The following ALDH1L2 variants were observed in gnomAD, a reference collection of about 807,000 sequenced individuals.
The protein encoded by ALDH1L2 is aldehyde dehydrogenase 1 family member L2.
In ALDH1L2, 91 loss-of-function variants were observed where a neutral mutation model predicts 111.0. The ratio of observed to expected loss-of-function variants is 0.82; its 90% CI spans 0.69 to 0.98. ALDH1L2 has a LOEUF of 0.98. ALDH1L2 is among the 50% of genes least tolerant of loss of function. ALDH1L2 has a pLI of 0.00. For missense variants in ALDH1L2, 995 were observed against 1,126.8 expected (o/e 0.88, Z 1.67); for synonymous variants, 374 against 392.6 (o/e 0.95, Z 0.56).
intron 19 of ALDH1L2, among the ~76,000 whole-genome samples, chr12:105,033,157 C>T (rs945299962): frequency 6.6e-6 from 1 of 152,180 alleles, no homozygotes. Flanking sequence ...TTCTGAGTGG[C>T]CAGGGACCAT....
chr12:105,080,256 A>G (rs1240594348), intron 1 of ALDH1L2, among the ~76,000 whole-genome samples: 1 of 152,198 alleles, frequency 6.6e-6, no homozygotes, highest in Non-Finnish European at 1.5e-5. Flanking sequence ...CCCCTGCTAA[A>G]CACACAATAT....
chr12:105,029,603 A>T (rs963181367), intron 21 of ALDH1L2, among the ~76,000 whole-genome samples: 18 of 152,246 alleles, frequency 1.2e-4, no homozygotes, highest in African/African-American at 4.1e-4. Context: ...TTGAATGGAT[A>T]TATCAAAGGT....
chr12:105,062,928 G>A lies in ALDH1L2; in HGVS notation c.881C>T (p.Thr294Ile). ...ACCAAAAAGAACAAGTCCATTTTTG[G>A]TAACGAGACCAGGCTTCTTGGCACC... ...IKGAKKPGLV[T>I]KNGLVLFGND... Residue 294 changes from threonine (T) to isoleucine (I), a missense_variant, in exon 7 of 23, where the codon ACC becomes ATC. Transcript: ENST00000258494. 3 of 1,613,662 alleles carry A rather than the reference G, an allele frequency of 1.9e-6. No individual in the cohort carries two copies. The highest frequency in any genetic ancestry group is 2.5e-6 in the Non-Finnish European group (3 of 1,179,844).
At chr12:105,059,117 A>C (rs1427019895) in intron 9 of ALDH1L2, among the ~76,000 whole-genome samples, 1 of 151,894 alleles carries the variant, frequency 6.6e-6, no homozygotes, top group Non-Finnish European at 1.5e-5. Context: ...AAATACAAAA[A>C]TTAGCTGGGC....
At chr12:105,035,623 T>C (rs530601445) in intron 18 of ALDH1L2, among the ~76,000 whole-genome samples, 1 of 152,134 alleles carries the variant, frequency 6.6e-6, no homozygotes, top group South Asian at 2.1e-4. Context: ...CAGCCATAAA[T>C]CATAAATATT....
intron 11 of ALDH1L2, 37 bp downstream of exon 11, chr12:105,052,775 G>A (rs747178402): frequency 4.3e-5 from 70 of 1,610,164 alleles, no homozygotes; most frequent in Admixed American, 8.4e-5. Context: ...AAAAATCCAT[G>A]ACCAGTGATC....
intron 15 of ALDH1L2, 120 bp from the exon 16 acceptor site, chr12:105,040,814 A>AT (rs993220078): frequency 2.1e-5 from 17 of 803,758 alleles, no homozygotes; most frequent in Admixed American, 2.0e-4. Flanking sequence ...ACATTGTCTT[A>AT]TTTTTTTGCC....
chr12:105,040,842 A>T, intron 15 of ALDH1L2, 148 bp from the exon 16 acceptor site: 1 of 648,988 alleles, frequency 1.5e-6, no homozygotes, highest in African/African-American at 1.8e-5. Flanking sequence ...CAGACTTACA[A>T]AAAGATGCAA....
At chr12:105,038,571 G>A (rs12231563) in intron 17 of ALDH1L2, among the ~76,000 whole-genome samples, 48,127 of 151,914 alleles carry the variant, frequency 0.32, 8,295 homozygotes, top group South Asian at 0.51. Flanking sequence ...GGAGGCTGAG[G>A]CAGGAGGATC....
intron 22 of ALDH1L2, among the ~76,000 whole-genome samples, chr12:105,025,198 T>C (rs912408219): frequency 2.0e-5 from 3 of 152,172 alleles, no homozygotes; most frequent in Admixed American, 2.0e-4. Flanking sequence ...CTGTCAACTT[T>C]GTCCGCATGT....
rs778540794 is a variant in ALDH1L2, at chr12:105,061,607, T to C, written c.1047+20A>G. ...CAGTTTTCCAAGGTAACAGTAAGAT[T>C]TAAGTCATCATGTGTTCACCTTGAT... On this transcript the variant is annotated intron_variant, in intron 8 of 22. Transcript: ENST00000258494. 1.4e-5 allele frequency: 22 copies of C among 1,613,496 alleles called. No homozygotes were observed. In the Admixed American group the frequency reaches 2.7e-4, roughly 20 times the overall value.
chr12:105,058,078 C>A lies in ALDH1L2; in HGVS notation c.1282G>T (p.Asp428Tyr), dbSNP rs1330708890. ...AACATCAAGGAAAAGCTTACATAATCTACAACCAGCTCCACCTCTTGATCT... is the reference window on the plus strand; with the variant it reads ...AACATCAAGGAAAAGCTTACATAATATACAACCAGCTCCACCTCTTGATCT... The part of the protein sequence containing the change: ...GEDQEVELVV[D>Y]YISKEVNEIM... Residue 428 changes from aspartate (D) to tyrosine (Y), a missense_variant, in exon 10 of 23, where the codon GAT (aspartate) becomes TAT (tyrosine). Coordinates refer to ENST00000258494, the MANE Select transcript of ALDH1L2 (RefSeq NM_001034173.4). The A allele has an allele frequency of 1.9e-6, 3 of 1,612,416 alleles. No individual in the cohort carries two copies. The African/African-American group carries it at 4.0e-5, about 22-fold the overall frequency.
chr12:105,065,030 G>A (rs909537733), intron 6 of ALDH1L2, among the ~76,000 whole-genome samples: 5 of 152,088 alleles, frequency 3.3e-5, no homozygotes, highest in African/African-American at 1.2e-4. Context: ...ACTGCACTGA[G>A]AATGTTTATT....
In ALDH1L2 at chr12:105,084,370, T is replaced by C. The variant is rs1592818493; in HGVS notation, c.48+19A>G. ...CAGGACAGGGTGACAGCCGGGACGC[T>C]CGCCCGGGCCGGACTCACCCGGCCA... On this transcript the variant is annotated intron_variant, in intron 1 of 22. Coordinates refer to ENST00000258494, the MANE Select transcript of ALDH1L2 (RefSeq NM_001034173.4). 2 of 1,470,642 alleles carry C rather than the reference T, an allele frequency of 1.4e-6. No individual in the cohort carries two copies. Among genetic ancestry groups the C allele is most frequent in the Non-Finnish European group, 1.8e-6 (2 of 1,111,962 alleles). The allele number at this position is 1,470,642 out of a possible 1,614,324, so 91.1% of individuals were successfully genotyped here.
intron 17 of ALDH1L2, 30 bp downstream of exon 17, chr12:105,039,683 T>G (rs370140921): frequency 2.5e-5 from 40 of 1,588,326 alleles, no homozygotes; most frequent in Non-Finnish European, 3.4e-5. Context: ...TAACAGGATC[T>G]GCAGTGAATC....
chr12:105,047,333 T>A, intron 13 of ALDH1L2: 1 of 260,860 alleles, frequency 3.8e-6, no homozygotes, highest in South Asian at 4.6e-5. Flanking sequence ...TTCTCCAGAT[T>A]AGGGATGGTC....
rs1464374279 is a variant in ALDH1L2 at position 105,035,833 on chromosome 12, ATATATATGTG to A, written c.2146-1445_2146-1436del. On this transcript the variant is annotated intron_variant, in intron 18 of 22. Transcript: ENST00000258494. The stretch of plus-strand genomic sequence containing the variant: ...GACTATATATAGTGTGTCTATATAT[ATATATATGTG>A]TGTGTGTGTGTGTGTGTGTGTGTAT... Among the ~76,000 whole-genome samples the A allele has an allele frequency of 1.4e-3, 126 of 91,672 alleles. 2 individuals are homozygous for A. The highest frequency in any genetic ancestry group is 3.1e-3 in the African/African-American group (53 of 17,018). 60.1% of individuals were successfully genotyped at this position (91,672 alleles called of 152,430 possible). A position where few individuals can be genotyped will look rare whatever the true frequency, so the allele number is the denominator to read the frequency against.
In ALDH1L2 at chr12:105,026,561, G is replaced by C; in HGVS notation, c.2700C>G (p.Gly900=). 1 of 1,614,072 alleles carries C rather than the reference G, an allele frequency of 6.2e-7. No individual in the cohort carries two copies. The highest frequency in any genetic ancestry group is 8.5e-7 in the Non-Finnish European group (1 of 1,179,986). ...AAGCCATACCTAAGTCTTTTCCAAA[G>C]CCAGATTGTTTAACTCCGCCAAATG... ...AAPFGGVKQS[G]FGKDLGEEAL... is the part of the protein sequence containing the mutation. The change falls in exon 22 of 23, where the codon GGC becomes GGG. Residue 900 remains glycine, a synonymous_variant. Transcript: ENST00000258494.
rs955930084 is a variant in ALDH1L2, at chr12:105,023,390, G to A, written c.*1034C>T. On this transcript the variant is annotated 3_prime_UTR_variant, in exon 23 of 23. Transcript: ENST00000258494. Reference sequence around the variant, plus strand: ...GGCATTTTTCAGTGCTGCTGTATCAGGCATTGTGTCAGAACAATGGATGAG... The same window carrying A: ...GGCATTTTTCAGTGCTGCTGTATCAAGCATTGTGTCAGAACAATGGATGAG... The A allele has an allele frequency of 1.3e-5, 2 of 152,118 alleles. No homozygotes were observed. Among genetic ancestry groups the A allele is most frequent in the African/African-American group, 4.8e-5 (2 of 41,428 alleles). The allele number at this position is 152,118 out of a possible 1,614,324, so 9.4% of individuals were successfully genotyped here. A position where few individuals can be genotyped will look rare whatever the true frequency, so the allele number is the denominator to read the frequency against.
Sources: allele counts gnomAD v4.1 joint callset (sites outside exome capture counted in the v4.1 genomes callset), GRCh38; gene constraint gnomAD v4.1.1; transcripts MANE v1.5; gene names NCBI Gene and HGNC (gene_info 2026-07-23, HGNC 2026-07-21).